TM2D1: variants seen among roughly 807,000 people sequenced by gnomAD.
TM2D1 encodes the protein TM2 domain-containing protein 1.
TM2D1 carries 15 observed loss-of-function variants against 28.4 expected under a neutral mutation model. The ratio of observed to expected loss-of-function variants is 0.53; its 90% CI spans 0.35 to 0.81. TM2D1 has a LOEUF of 0.81. TM2D1 is among the 40% of genes least tolerant of loss of function. The pLI is 0.01. For missense variants in TM2D1, 236 were observed against 254.9 expected, an observed-to-expected ratio of 0.93 and a Z score of 0.50; for synonymous variants, 93 against 96.2, an observed-to-expected ratio of 0.97 and a Z score of 0.20.
chr1:61,710,448 G>GTATA (rs1210120656), intron 2 of TM2D1, among the ~76,000 whole-genome samples: 748 of 49,584 alleles, frequency 0.015, 15 homozygotes, highest in African/African-American at 0.034. Context: ...AAAAAAAAAT[G>GTATA]TATATATATA....
chr1:61,701,581 G>GTGTGTGTA (rs1557531785), intron 3 of TM2D1, among the ~76,000 whole-genome samples: 3 of 151,804 alleles, frequency 2.0e-5, no homozygotes, highest in African/African-American at 7.3e-5. Flanking sequence ...GTGTGTGTGT[G>GTGTGTGTA]TGTGTGTGTA....
intron 5 of TM2D1, among the ~76,000 whole-genome samples, chr1:61,692,787 G>T (rs570088145): frequency 6.6e-6 from 1 of 152,228 alleles, no homozygotes; most frequent in African/African-American, 2.4e-5. Flanking sequence ...TGCTTGAAAT[G>T]GATTTATTAT....
chr1:61,725,095 G>T lies in TM2D1; in HGVS notation c.26C>A (p.Pro9Gln), dbSNP rs776357184. Residue 9 changes from proline (P) to glutamine (Q), a missense_variant, in exon 1 of 7, where the codon CCG becomes CAG. Around this residue, in one of 3 missense-constraint regions of TM2D1, gnomAD observed 167 missense variants for 162.7 expected, o/e 1.03. Coordinates refer to ENST00000606498, the MANE Select transcript of TM2D1 (RefSeq NM_032027.3). MAAAWPSG[P>Q]SAPEAVTARL... ...GGCCGTCACGGCCTCCGGAGCAGAC[G>T]GACCAGACGGCCAGGCGGCCGCCAT... 2 of 1,613,732 alleles carry T rather than the reference G, an allele frequency of 1.2e-6. No homozygotes were observed. The highest frequency in any genetic ancestry group is 1.7e-6 in the Non-Finnish European group (2 of 1,179,894).
intron 2 of TM2D1, among the ~76,000 whole-genome samples, chr1:61,718,628 A>C (rs12058039): frequency 0.041 from 6,310 of 152,280 alleles, 447 homozygotes; most frequent in African/African-American, 0.14. Context: ...AAGCTAAGTG[A>C]TAAACAATTA....
At chr1:61,719,425 GA>G (rs1422824919) in intron 2 of TM2D1, among the ~76,000 whole-genome samples, 1 of 152,012 alleles carries the variant, frequency 6.6e-6, no homozygotes, top group African/African-American at 2.4e-5. Context: ...GAGAGAGAGA[GA>G]GAGAGAGTAT....
At chr1:61,702,882 G>A (rs2148050417) in intron 3 of TM2D1, among the ~76,000 whole-genome samples, 1 of 151,480 alleles carries the variant, frequency 6.6e-6, no homozygotes, top group African/African-American at 2.4e-5. Context: ...GAGGCGGTTG[G>A]ATCACATGAG....
chr1:61,711,343 AG>A lies in TM2D1; in HGVS notation c.239-1907del, dbSNP rs1324697979. Reference sequence around the variant, plus strand: ...AAACTCCACCTCAAAAAAAAAAAAAAGAAAAAAAAATATACAAAGAGATGTG... The same window carrying A: ...AAACTCCACCTCAAAAAAAAAAAAAAAAAAAAAAATATACAAAGAGATGTG... On this transcript the variant is annotated intron_variant, in intron 2 of 6. Transcript: ENST00000606498. Among the ~76,000 whole-genome samples, 10 of 151,526 alleles carry A rather than the reference AG, an allele frequency of 6.6e-5. No individual in the cohort carries two copies. The East Asian group carries it at 1.9e-3, about 29-fold the overall frequency.
Position 61,694,785 on chromosome 1 carries a change from A to G in TM2D1, c.440-15T>C. On this transcript the variant is annotated splice_polypyrimidine_tract_variant and intron_variant, in intron 4 of 6. Coordinates refer to ENST00000606498, the MANE Select transcript of TM2D1 (RefSeq NM_032027.3). Reference sequence around the variant, plus strand: ...CTTTAACAAACCTAGAAAAGAAGGTAAAGTCATTTATAATCTGGAAGGTCT... The same window carrying G: ...CTTTAACAAACCTAGAAAAGAAGGTGAAGTCATTTATAATCTGGAAGGTCT... The G allele has an allele frequency of 6.4e-7, 1 of 1,566,020 alleles. No individual in the cohort carries two copies. The highest frequency in any genetic ancestry group is 8.7e-7 in the Non-Finnish European group (1 of 1,154,858).
Position 61,723,769 on chromosome 1 carries a change from G to A in TM2D1, c.182C>T (p.Pro61Leu). The change falls in exon 2 of 7, where the codon CCA becomes CTA. Residue 61 changes from proline to leucine, a missense_variant. This residue lies in a region of TM2D1 where 167 missense variants were observed against 162.7 expected (regional missense o/e 1.03). Transcript: ENST00000606498. ...TTCTTGCGTAGCGTCATTTATTTTT[G>A]GATCTTTACAAATATATGTAAAAAA... ...LKVGQYICKD[P>L]KINDATQEPV... The A allele has an allele frequency of 1.3e-6, 2 of 1,538,612 alleles. No individual in the cohort carries two copies. The highest frequency in any genetic ancestry group is 1.7e-4 in the Middle Eastern group (1 of 5,898).
chr1:61,699,066 G>GT (rs1419466802), intron 4 of TM2D1: 7 of 152,144 alleles, frequency 4.6e-5, no homozygotes, highest in Non-Finnish European at 1.0e-4. Flanking sequence ...AAATTGGCCA[G>GT]GCACTGTGGC....
At chr1:61,692,613 G>A (rs1417523712) in intron 5 of TM2D1, among the ~76,000 whole-genome samples, 2 of 152,064 alleles carry the variant, frequency 1.3e-5, no homozygotes, top group Non-Finnish European at 2.9e-5. Flanking sequence ...AGATGAGCCA[G>A]GGCCAGGCAC....
At position 61,717,134 on chromosome 1, in the gene TM2D1, G is replaced by A. The variant is rs543902083; in HGVS notation, c.238+6579C>T. Among the ~76,000 whole-genome samples the A allele has an allele frequency of 2.6e-5, 4 of 152,104 alleles. No individual in the cohort carries two copies. In the East Asian group the frequency reaches 5.8e-4, roughly 22 times the overall value. ...GAGGCCGAGGCCAGCGGATCATGAGGTCAGGAGATCGAGACCATCCTGGCT... is the reference window on the plus strand; with the variant it reads ...GAGGCCGAGGCCAGCGGATCATGAGATCAGGAGATCGAGACCATCCTGGCT... On this transcript the variant is annotated intron_variant, in intron 2 of 6. Coordinates refer to ENST00000606498, the MANE Select transcript of TM2D1 (RefSeq NM_032027.3).
In TM2D1 at chr1:61,681,588, T is replaced by C. The variant is rs542647082; in HGVS notation, c.*20-238A>G. ...CTGGAATCCCACCTAAATGTTTACA[T>C]AATAGGCTACCAAGAATGAGATTCC... On this transcript the variant is annotated intron_variant, in intron 6 of 6. Coordinates refer to ENST00000606498, the MANE Select transcript of TM2D1 (RefSeq NM_032027.3). Among the ~76,000 whole-genome samples, 59 of 152,354 alleles carry C rather than the reference T, an allele frequency of 3.9e-4. 1 individual carries two copies. Among genetic ancestry groups the C allele is most frequent in the African/African-American group, 1.3e-3 (55 of 41,590 alleles).
chr1:61,683,382 C>T, intron 6 of TM2D1, 35 bp downstream of exon 6: 1 of 701,480 alleles, frequency 1.4e-6, no homozygotes, highest in Non-Finnish European at 2.2e-6. Flanking sequence ...TAATATACCA[C>T]TATAAGATAT....
chr1:61,701,163 T>A, intron 3 of TM2D1, 138 bp from the exon 4 acceptor site: 1 of 619,586 alleles, frequency 1.6e-6, no homozygotes, highest in East Asian at 2.8e-5. Context: ...TGTCAGGCAC[T>A]ATTCTAGGCT....
intron 4 of TM2D1, chr1:61,700,086 G>A (rs936488805): frequency 4.2e-6 from 6 of 1,429,176 alleles, no homozygotes; most frequent in South Asian, 3.3e-5. Flanking sequence ...AATAAAGCAT[G>A]ATCTCTGGAG....
intron 5 of TM2D1, chr1:61,686,835 ATTGT>A (rs1644288988): frequency 1.0e-6 from 1 of 972,370 alleles, no homozygotes; most frequent in Non-Finnish European, 1.2e-6. Flanking sequence ...AGGCAGGAAG[ATTGT>A]TTGAACCCAG....
intron 3 of TM2D1, among the ~76,000 whole-genome samples, chr1:61,702,925 G>A (rs1380103630): frequency 6.6e-6 from 1 of 151,286 alleles, no homozygotes; most frequent in Non-Finnish European, 1.5e-5. Context: ...GGCCAACACG[G>A]TAAAACCCCA....
At chr1:61,691,411 C>T (rs1644323175) in intron 5 of TM2D1, among the ~76,000 whole-genome samples, 1 of 144,614 alleles carries the variant, frequency 6.9e-6, no homozygotes, top group Non-Finnish European at 1.5e-5. Flanking sequence ...AGAAGAATCG[C>T]TTGAACCTGG....
Sources: gnomAD v4.1 joint callset for allele counts (sites outside exome capture counted in the v4.1 genomes callset) on GRCh38, gnomAD v4.1.1 for gene constraint, gnomAD v4.1.1 regional missense constraint, MANE v1.5 for transcripts, NCBI Gene and HGNC (gene_info 2026-07-23, HGNC 2026-07-21) for gene names.